The following NSG2 variants were observed in gnomAD, a reference collection of about 807,000 sequenced individuals.
NSG2 encodes the protein neuronal vesicle trafficking-associated protein 2.
A neutral mutation model predicts 16.9 loss-of-function variants in NSG2; 4 were observed. That is an observed-to-expected ratio of 0.24 (90% confidence interval 0.12 to 0.54). The LOEUF (loss-of-function observed/expected upper bound fraction) is 0.54. Ranked by LOEUF, NSG2 falls within the 20% of genes least tolerant of loss-of-function variation. The pLI is 0.95. For synonymous variants in NSG2, 98 were observed against 88.7 expected (o/e 1.11, Z -0.59); for missense variants, 179 against 221.1 (o/e 0.81, Z 1.21).
rs374540039 is a variant in NSG2, at chr5:174,104,224, C to T, written c.214-4C>T. The T allele has an allele frequency of 1.2e-6, 2 of 1,611,656 alleles. No homozygotes were observed. The highest frequency in any genetic ancestry group is 1.7e-6 in the Non-Finnish European group (2 of 1,177,824). On this transcript the variant is annotated splice_polypyrimidine_tract_variant and splice_region_variant and intron_variant, in intron 3 of 4. Transcript: ENST00000303177. ...CTGGATGACTTAATTTTGTATTCCTCCAGGTCACCATCCTTGTCAGCCTGG... is the reference window on the plus strand; with the variant it reads ...CTGGATGACTTAATTTTGTATTCCTTCAGGTCACCATCCTTGTCAGCCTGG...
At chr5:174,066,546 C>A (rs1336524238) in intron 3 of NSG2, among the ~76,000 whole-genome samples, 1 of 151,982 alleles carries the variant, frequency 6.6e-6, no homozygotes, top group Non-Finnish European at 1.5e-5. Flanking sequence ...CCTTTTTTCC[C>A]TCAGAGAGTA....
At chr5:174,069,208 G>A (rs1287197593) in intron 3 of NSG2, among the ~76,000 whole-genome samples, 1 of 151,984 alleles carries the variant, frequency 6.6e-6, no homozygotes, top group Non-Finnish European at 1.5e-5. Flanking sequence ...TATGGAGGCA[G>A]CTGGTGCCAA....
chr5:174,104,588 G>C (rs1760948042), intron 4 of NSG2, among the ~76,000 whole-genome samples: 1 of 152,210 alleles, frequency 6.6e-6, no homozygotes, highest in African/African-American at 2.4e-5. Flanking sequence ...CGGCACATCA[G>C]CAATGAGGGA....
At chr5:174,073,843 G>A (rs957841448) in intron 3 of NSG2, among the ~76,000 whole-genome samples, 7 of 152,146 alleles carry the variant, frequency 4.6e-5, no homozygotes, top group Admixed American at 2.6e-4. Context: ...AGTAAATGCT[G>A]CAATAAAGCA....
chr5:174,088,516 C>A (rs1306793793), intron 3 of NSG2, among the ~76,000 whole-genome samples: 4 of 152,122 alleles, frequency 2.6e-5, no homozygotes, highest in African/African-American at 9.7e-5. Flanking sequence ...TCTGATAAAT[C>A]CAAAACAGGA....
At chr5:174,058,566 A>C (rs1760000083) in intron 2 of NSG2, among the ~76,000 whole-genome samples, 3 of 152,180 alleles carry the variant, frequency 2.0e-5, no homozygotes, top group Admixed American at 2.0e-4. Flanking sequence ...GAGAGATCAG[A>C]AAGAGGAGGA....
chr5:174,052,547 G>A (rs1450494820), intron 2 of NSG2, among the ~76,000 whole-genome samples: 1 of 152,156 alleles, frequency 6.6e-6, no homozygotes, highest in Admixed American at 6.5e-5. Flanking sequence ...TCAAATCTAG[G>A]TGGCTTTCTC....
At position 174,107,690 on chromosome 5, in the gene NSG2, T is replaced by C; in HGVS notation, c.*185T>C. 1.4e-6 allele frequency: 1 copy of C among 719,120 alleles called. No homozygotes were observed. Among genetic ancestry groups the C allele is most frequent in the South Asian group, 1.5e-5 (1 of 67,096 alleles). 44.5% of individuals were successfully genotyped at this position (719,120 alleles called of 1,614,324 possible). On this transcript the variant is annotated 3_prime_UTR_variant, in exon 5 of 5. Coordinates refer to ENST00000303177, the MANE Select transcript of NSG2 (RefSeq NM_015980.5). The surrounding 1 kb of genome is among the most constrained non-coding windows in gnomAD (Gnocchi z 4.5). Reference sequence around the variant, plus strand: ...CTGGAGTTGTCTGAACCGATATTTCTTTTTGTTCCTTGGTATTGTTGATTC... The same window carrying C: ...CTGGAGTTGTCTGAACCGATATTTCCTTTTGTTCCTTGGTATTGTTGATTC...
chr5:174,066,853 A>G (rs1478369208), intron 3 of NSG2, among the ~76,000 whole-genome samples: 3 of 150,982 alleles, frequency 2.0e-5, no homozygotes, highest in Non-Finnish European at 3.0e-5. Context: ...AGCCGGGCGT[A>G]GTGGCGGGCG....
chr5:174,091,644 G>GGTGTGTGTGTGTGTGTGTGTGTGT (rs35746227), intron 3 of NSG2, among the ~76,000 whole-genome samples: 1 of 139,606 alleles, frequency 7.2e-6, no homozygotes, highest in African/African-American at 2.7e-5. Flanking sequence ...AACTAGGACT[G>GGTGTGTGTGTGTGTGTGTGTGTGT]GTGTGTGTGT....
chr5:174,083,893 A>G (rs1760543266), intron 3 of NSG2, among the ~76,000 whole-genome samples: 1 of 152,208 alleles, frequency 6.6e-6, no homozygotes, highest in Non-Finnish European at 1.5e-5. Context: ...TACAGAAGAT[A>G]GAGAATGAGA....
chr5:174,085,246 T>TTATGATTC (rs1370493081), intron 3 of NSG2, among the ~76,000 whole-genome samples: 2 of 152,160 alleles, frequency 1.3e-5, no homozygotes, highest in Non-Finnish European at 2.9e-5. Context: ...ATGTACCTAG[T>TTATGATTC]AGGTAGGTGT....
intron 3 of NSG2, among the ~76,000 whole-genome samples, chr5:174,094,114 G>A (rs1351007904): frequency 1.3e-5 from 2 of 152,240 alleles, no homozygotes; most frequent in Admixed American, 6.5e-5. Flanking sequence ...GGTTAGGGTT[G>A]AGGGCTTTAG....
At chr5:174,066,968 C>T (rs542106446) in intron 3 of NSG2, among the ~76,000 whole-genome samples, 22 of 109,132 alleles carry the variant, frequency 2.0e-4, no homozygotes, top group South Asian at 3.1e-4. Context: ...CCAGCCTGGG[C>T]GACAGAGCGA....
chr5:174,059,152 T>G (rs933814332), intron 2 of NSG2, among the ~76,000 whole-genome samples: 40 of 152,346 alleles, frequency 2.6e-4, no homozygotes, highest in African/African-American at 9.4e-4. Flanking sequence ...ATAAACATAT[T>G]ATACATATAA....
At chr5:174,096,212 A>G (rs1760792050) in intron 3 of NSG2, among the ~76,000 whole-genome samples, 1 of 152,228 alleles carries the variant, frequency 6.6e-6, no homozygotes, top group Admixed American at 6.5e-5. Context: ...ACTGTGTCCC[A>G]AGAGGGGCGG....
chr5:174,087,243 G>A (rs1248862014), intron 3 of NSG2, among the ~76,000 whole-genome samples: 2 of 152,086 alleles, frequency 1.3e-5, no homozygotes, highest in East Asian at 1.9e-4. Flanking sequence ...TTTGGTTTGC[G>A]GATGGAGAGA....
intron 3 of NSG2, among the ~76,000 whole-genome samples, chr5:174,103,193 T>C (rs896974989): frequency 6.6e-6 from 1 of 151,948 alleles, no homozygotes; most frequent in Non-Finnish European, 1.5e-5. Context: ...TTAGATGCTG[T>C]AGGTGAGAGA....
intron 2 of NSG2, among the ~76,000 whole-genome samples, chr5:174,048,309 A>G: frequency 6.6e-6 from 1 of 152,228 alleles, no homozygotes; most frequent in East Asian, 1.9e-4. Context: ...GAACAATTGT[A>G]TCAGAGTCTC....
Sources: gnomAD v4.1 joint callset for allele counts (sites outside exome capture counted in the v4.1 genomes callset) on GRCh38, gnomAD v4.1.1 for gene constraint, Gnocchi (gnomAD v3.1) non-coding constraint, MANE v1.5 for transcripts, NCBI Gene and HGNC (gene_info 2026-07-23, HGNC 2026-07-21) for gene names.